The following CNTN5 variants were observed in gnomAD, a reference collection of about 807,000 sequenced individuals.
CNTN5 encodes the protein contactin-5.
CNTN5 carries 77 observed loss-of-function variants against 129.1 expected under a neutral mutation model. The observed-to-expected ratio is 0.60, with a 90% CI of 0.50 to 0.72. The LOEUF (loss-of-function observed/expected upper bound fraction) is 0.72, where lower values mean the gene tolerates loss of function less well. Among genes scored for constraint, CNTN5 ranks in the 30% least tolerant of loss-of-function variants. The pLI is 0.00. For synonymous variants in CNTN5, 509 were observed against 465.6 expected (o/e 1.09, Z -1.20); for missense variants, 1,478 against 1,328.8 (o/e 1.11, Z -1.75).
chr11:100,114,618 T>G (rs1189768116), intron 13 of CNTN5, among the ~76,000 whole-genome samples: 1 of 152,090 alleles, frequency 6.6e-6, no homozygotes, highest in African/African-American at 2.4e-5. Flanking sequence ...GGGACCAAAT[T>G]TTTAGCCCCT....
At chr11:99,510,873 A>G (rs1591188182) in intron 2 of CNTN5, among the ~76,000 whole-genome samples, 1 of 152,280 alleles carries the variant, frequency 6.6e-6, no homozygotes, top group East Asian at 1.9e-4. Context: ...GCCTTAGGCA[A>G]GTTCTTCAGG....
intron 21 of CNTN5, among the ~76,000 whole-genome samples, chr11:100,322,241 T>C (rs1054552369): frequency 6.6e-6 from 1 of 151,874 alleles, no homozygotes; most frequent in South Asian, 2.1e-4. Flanking sequence ...TTTTTTTTTT[T>C]AGACGGAGTC....
At chr11:99,115,386 G>T (rs1164180940) in intron 1 of CNTN5, among the ~76,000 whole-genome samples, 1 of 152,066 alleles carries the variant, frequency 6.6e-6, no homozygotes, top group Non-Finnish European at 1.5e-5. Flanking sequence ...CTTACATATA[G>T]TATACATTTT....
At chr11:99,038,561 A>C (rs1863855182) in intron 1 of CNTN5, among the ~76,000 whole-genome samples, 1 of 152,086 alleles carries the variant, frequency 6.6e-6, no homozygotes, top group African/African-American at 2.4e-5. Context: ...CCATTGACTC[A>C]ATGAATTTTA....
At chr11:100,163,105 C>A (rs190376937) in intron 13 of CNTN5, among the ~76,000 whole-genome samples, 56 of 151,766 alleles carry the variant, frequency 3.7e-4, no homozygotes, top group African/African-American at 6.3e-4. Context: ...CTTTCAAAAT[C>A]TCTGTACTAA....
At chr11:99,845,315 G>T in intron 6 of CNTN5, 53 bp downstream of exon 6, 2 of 695,254 alleles carry the variant, frequency 2.9e-6, no homozygotes, top group African/African-American at 2.0e-5. Context: ...TGTATATACA[G>T]TATGGATTTT....
At chr11:99,987,009 A>G (rs565435909) in intron 8 of CNTN5, among the ~76,000 whole-genome samples, 2 of 152,220 alleles carry the variant, frequency 1.3e-5, no homozygotes, top group Non-Finnish European at 2.9e-5. Context: ...AAATATCCCA[A>G]TAATTTAAAA....
chr11:99,047,382 A>C lies in CNTN5; in HGVS notation c.-210+26112A>C, dbSNP rs184681987. 4.0e-3 allele frequency among the ~76,000 whole-genome samples: 481 copies of C among 119,706 alleles called. 2 individuals carry two copies. Among genetic ancestry groups the C allele is most frequent in the African/African-American group, 0.013 (457 of 33,964 alleles). The allele number at this position is 119,706 out of a possible 152,430, so 78.5% of individuals were successfully genotyped here. On this transcript the variant is annotated intron_variant, in intron 1 of 24. Coordinates refer to ENST00000524871, the MANE Select transcript of CNTN5 (RefSeq NM_014361.4). ...AACACTGATCTTATTGAATTTTGGC[A>C]AAAAAAAAAAAAAACCAAAAAAGTG...
chr11:99,661,996 T>C (rs537849548), intron 3 of CNTN5, among the ~76,000 whole-genome samples: 1 of 152,124 alleles, frequency 6.6e-6, no homozygotes, highest in Non-Finnish European at 1.5e-5. Context: ...GTTTACATGG[T>C]TTTTTTCTAT....
intron 4 of CNTN5, among the ~76,000 whole-genome samples, chr11:99,838,645 G>A (rs906577833): frequency 1.3e-5 from 2 of 152,136 alleles, no homozygotes; most frequent in Non-Finnish European, 2.9e-5. Flanking sequence ...CTTTACAAAG[G>A]GAGGATCCAC....
intron 3 of CNTN5, among the ~76,000 whole-genome samples, chr11:99,751,365 A>T (rs185365666): frequency 1.3e-5 from 2 of 152,158 alleles, no homozygotes; most frequent in Admixed American, 1.3e-4. Flanking sequence ...ATTCAAAAAT[A>T]AAAAATAAGG....
At chr11:99,872,028 A>G (rs926583317) in intron 6 of CNTN5, among the ~76,000 whole-genome samples, 2 of 151,952 alleles carry the variant, frequency 1.3e-5, no homozygotes, top group African/African-American at 2.4e-5. Flanking sequence ...GGTTATGCAC[A>G]GTAAAACAAA....
chr11:99,807,624 C>A (rs1362902149), intron 3 of CNTN5, among the ~76,000 whole-genome samples: 1 of 152,120 alleles, frequency 6.6e-6, no homozygotes, highest in Non-Finnish European at 1.5e-5. Flanking sequence ...AAGTAATTCT[C>A]CTGTCTCAGC....
At chr11:99,626,250 G>C (rs1307415346) in intron 3 of CNTN5, among the ~76,000 whole-genome samples, 1 of 152,070 alleles carries the variant, frequency 6.6e-6, no homozygotes, top group Non-Finnish European at 1.5e-5. Flanking sequence ...GGACTAATGA[G>C]AATTGACAGT....
intron 16 of CNTN5, among the ~76,000 whole-genome samples, chr11:100,236,141 C>T (rs969667387): frequency 4.6e-5 from 7 of 152,116 alleles, no homozygotes; most frequent in Admixed American, 2.0e-4. Flanking sequence ...ATCACGTGCA[C>T]GGATGATCAA....
intron 3 of CNTN5, among the ~76,000 whole-genome samples, chr11:99,697,074 A>G (rs1275643675): frequency 5.3e-5 from 8 of 152,016 alleles, no homozygotes; most frequent in African/African-American, 1.7e-4. Flanking sequence ...CCAAAAAAAT[A>G]GTATGAATTA....
chr11:99,119,950 C>A (rs755599365), intron 1 of CNTN5, among the ~76,000 whole-genome samples: 18 of 151,780 alleles, frequency 1.2e-4, no homozygotes, highest in Non-Finnish European at 8.8e-5. Context: ...ATGTATTTTG[C>A]CTATTTTTGG....
chr11:99,940,911 GT>G (rs5794029), intron 7 of CNTN5, among the ~76,000 whole-genome samples: 61,252 of 151,796 alleles, frequency 0.4, 12,586 homozygotes, highest in Non-Finnish European at 0.45. Flanking sequence ...CAAAATGGTA[GT>G]CTTGATAGAA....
chr11:99,705,017 A>G (rs1438438130), intron 3 of CNTN5, among the ~76,000 whole-genome samples: 1 of 151,298 alleles, frequency 6.6e-6, no homozygotes, highest in East Asian at 1.9e-4. Context: ...TTTTGGCATT[A>G]CCTGTGGTTT....
Sources: allele counts gnomAD v4.1 joint callset (sites outside exome capture counted in the v4.1 genomes callset), GRCh38; gene constraint gnomAD v4.1.1; transcripts MANE v1.5; gene names NCBI Gene and HGNC (gene_info 2026-07-23, HGNC 2026-07-21).